The following PALS2 variants were observed in gnomAD, a reference collection of about 807,000 sequenced individuals.
The protein encoded by PALS2 is protein associated with LIN7 2, MAGUK p55 family member, also known as protein PALS2.
PALS2 carries 27 observed loss-of-function variants against 61.6 expected under a neutral mutation model. The observed-to-expected ratio is 0.44, with a 90% CI of 0.32 to 0.60. PALS2 has a LOEUF of 0.60. PALS2 is among the 20% of genes least tolerant of loss of function. The probability of loss-of-function intolerance (pLI) is 0.05; values close to 1 mark genes in which losing one functional copy is unlikely to be tolerated. For missense variants in PALS2, 554 were observed against 639.4 expected (o/e 0.87, Z 1.44); for synonymous variants, 236 against 218.6 (o/e 1.08, Z -0.70).
intron 9 of PALS2, among the ~76,000 whole-genome samples, chr7:24,672,549 T>C (rs1009304800): frequency 6.6e-6 from 1 of 152,166 alleles, no homozygotes; most frequent in African/African-American, 2.4e-5. Flanking sequence ...TCTATGAGCA[T>C]AGATGTCTCT....
chr7:24,687,680 A>G lies in PALS2; in HGVS notation c.*66A>G. ...AGTGACTGCAACAAATAAACCTTCT[A>G]CTGAGAAAATACATCACAGATAGAA... On this transcript the variant is annotated 3_prime_UTR_variant, in exon 12 of 12. Transcript: ENST00000222644. The surrounding 1 kb of genome is among the most constrained non-coding windows in gnomAD (Gnocchi z 4.5). The G allele has an allele frequency of 2.8e-6, 4 of 1,450,574 alleles. No individual in the cohort carries two copies. Among genetic ancestry groups the G allele is most frequent in the South Asian group, 1.4e-5 (1 of 72,538 alleles). 89.9% of individuals were successfully genotyped at this position (1,450,574 alleles called of 1,614,324 possible). A position where few individuals can be genotyped will look rare whatever the true frequency, so the allele number is the denominator to read the frequency against.
In PALS2 at chr7:24,675,682, A is replaced by G. The variant is rs557032939; in HGVS notation, c.1115-3449A>G. 6.0e-4 allele frequency among the ~76,000 whole-genome samples: 84 copies of G among 139,692 alleles called. 3 individuals carry two copies. The South Asian group carries it at 0.02, about 33-fold the overall frequency. The allele number at this position is 139,692 out of a possible 152,430, so 91.6% of individuals were successfully genotyped here. On this transcript the variant is annotated intron_variant, in intron 9 of 11. Coordinates refer to ENST00000222644, the MANE Select transcript of PALS2 (RefSeq NM_001303037.2). Reference sequence around the variant, plus strand: ...TTGCGATAGTTTACTGAGAATGATGATTTCCAATTTCATCCATGTCCCTAC... The same window carrying G: ...TTGCGATAGTTTACTGAGAATGATGGTTTCCAATTTCATCCATGTCCCTAC...
At chr7:24,665,964 C>A in intron 7 of PALS2, 57 bp from the exon 8 acceptor site, 1 of 1,493,938 alleles carries the variant, frequency 6.7e-7, no homozygotes, top group Non-Finnish European at 9.2e-7. Flanking sequence ...TACTATAGGG[C>A]AATTTTTTCA....
At chr7:24,598,100 T>C (rs1259527631) in intron 1 of PALS2, among the ~76,000 whole-genome samples, 1 of 152,136 alleles carries the variant, frequency 6.6e-6, no homozygotes, top group African/African-American at 2.4e-5. Flanking sequence ...AGGCAAGCTA[T>C]TGCTAGGCCA....
Position 24,680,462 on chromosome 7 carries a change from C to T in PALS2, c.1388C>T (p.Thr463Met), listed in dbSNP as rs1410589833. 9.3e-6 allele frequency: 15 copies of T among 1,613,902 alleles called. No individual in the cohort carries two copies. Among genetic ancestry groups the T allele is most frequent in the African/African-American group, 2.7e-5 (2 of 74,944 alleles). Residue 463 changes from threonine to methionine, a missense_variant, in exon 11 of 12, where the codon ACG becomes ATG. Physicochemically the swap from Thr to Met is moderately conservative, Grantham distance 81. Coordinates refer to ENST00000222644, the MANE Select transcript of PALS2 (RefSeq NM_001303037.2). ...VVFIAAPELE[T>M]LRAMHKAVVD... ...TTTATTGCGGCTCCGGAGCTAGAGA[C>T]GTTACGTGCCATGCACAAGGCTGTG...
chr7:24,627,505 CTA>C lies in PALS2; in HGVS notation c.117+3722_117+3723del, dbSNP rs542244881. ...AAAGCTAGCAGAAGACAAGAAATAA[CTA>C]AGATCAGAGCAGAACTGAAGGAGAT... On this transcript the variant is annotated intron_variant, in intron 2 of 11. Coordinates refer to ENST00000222644, the MANE Select transcript of PALS2 (RefSeq NM_001303037.2). 2.8e-3 allele frequency among the ~76,000 whole-genome samples: 421 copies of C among 152,104 alleles called. 3 individuals are homozygous for C. Among genetic ancestry groups the C allele is most frequent in the African/African-American group, 8.8e-3 (365 of 41,510 alleles).
Position 24,691,385 on chromosome 7 carries a change from A to ATGTG in PALS2, c.*3774_*3775insGTGT, listed in dbSNP as rs1306601413. 4.2e-4 allele frequency: 24 copies of ATGTG among 56,990 alleles called. No individual in the cohort carries two copies. In the East Asian group the frequency reaches 0.016, roughly 39 times the overall value. 3.5% of individuals were successfully genotyped at this position (56,990 alleles called of 1,614,324 possible). A position where few individuals can be genotyped will look rare whatever the true frequency, so the allele number is the denominator to read the frequency against. On this transcript the variant is annotated 3_prime_UTR_variant, in exon 12 of 12. Transcript: ENST00000222644. Reference sequence around the variant, plus strand: ...TTAAATGTTCGAGTTGCCATATATTATGTATGTGTGTGTGTGTGTGTATAT... The same window carrying ATGTG: ...TTAAATGTTCGAGTTGCCATATATTATGTGTGTATGTGTGTGTGTGTGTGTATAT...
At chr7:24,644,083 A>ATTTTCTT in intron 3 of PALS2, among the ~76,000 whole-genome samples, 1 of 137,952 alleles carries the variant, frequency 7.2e-6, no homozygotes, top group African/African-American at 2.8e-5. Flanking sequence ...CTAAATCAAT[A>ATTTTCTT]TTTTCTTTTT....
At chr7:24,628,816 T>G (rs1784862029) in intron 2 of PALS2, among the ~76,000 whole-genome samples, 1 of 152,092 alleles carries the variant, frequency 6.6e-6, no homozygotes, top group South Asian at 2.1e-4. Context: ...CAAGGAAAAC[T>G]ACAAACCACT....
chr7:24,584,380 T>A (rs1782974774), intron 1 of PALS2, among the ~76,000 whole-genome samples: 1 of 150,988 alleles, frequency 6.6e-6, no homozygotes. Flanking sequence ...GGTATCTCAT[T>A]GTGGTTTTGA....
rs922784992 is a variant in PALS2, at chr7:24,693,336, A to G, written c.*5722A>G. ...AACATACATAAATATGACAGGTCAT[A>G]TATGAAATTTGGCTCTCCTCCTATC... On this transcript the variant is annotated 3_prime_UTR_variant, in exon 12 of 12. Transcript: ENST00000222644. The G allele has an allele frequency of 2.0e-5, 3 of 152,216 alleles. No individual in the cohort carries two copies. Among genetic ancestry groups the G allele is most frequent in the African/African-American group, 7.2e-5 (3 of 41,462 alleles). 9.4% of individuals were successfully genotyped at this position (152,216 alleles called of 1,614,324 possible).
At position 24,691,385 on chromosome 7, in the gene PALS2, A is replaced by ATGTGTG. The variant is rs1306601413; in HGVS notation, c.*3774_*3775insGTGTGT. 1.1e-3 allele frequency: 64 copies of ATGTGTG among 56,972 alleles called. No homozygotes were observed. The highest frequency in any genetic ancestry group is 7.0e-3 in the Middle Eastern group (1 of 142). 3.5% of individuals were successfully genotyped at this position (56,972 alleles called of 1,614,324 possible). ...TTAAATGTTCGAGTTGCCATATATT[A>ATGTGTG]TGTATGTGTGTGTGTGTGTGTATAT... On this transcript the variant is annotated 3_prime_UTR_variant, in exon 12 of 12. Transcript: ENST00000222644.
At chr7:24,665,054 G>A (rs1786944066) in intron 6 of PALS2, among the ~76,000 whole-genome samples, 1 of 152,052 alleles carries the variant, frequency 6.6e-6, no homozygotes, top group South Asian at 2.1e-4. Context: ...TCTCTTTGGA[G>A]CTTATTTTAA....
intron 1 of PALS2, among the ~76,000 whole-genome samples, chr7:24,608,360 A>G (rs1010483134): frequency 1.3e-5 from 2 of 152,104 alleles, no homozygotes; most frequent in African/African-American, 4.8e-5. Context: ...CCTTCATTCT[A>G]AAGTTTTCTG....
intron 9 of PALS2, among the ~76,000 whole-genome samples, chr7:24,668,919 G>A (rs1472842314): frequency 6.6e-6 from 1 of 152,168 alleles, no homozygotes; most frequent in Non-Finnish European, 1.5e-5. Flanking sequence ...AGAATTAAAT[G>A]CCTACATTTA....
chr7:24,603,112 AG>A (rs1421565146), intron 1 of PALS2, among the ~76,000 whole-genome samples: 1 of 152,206 alleles, frequency 6.6e-6, no homozygotes, highest in Non-Finnish European at 1.5e-5. Context: ...TCTGTAAACC[AG>A]GAAGTGAGCC....
rs1788425998 is a variant in PALS2 at position 24,690,670 on chromosome 7, CT to C, written c.*3059del. On this transcript the variant is annotated 3_prime_UTR_variant, in exon 12 of 12. Coordinates refer to ENST00000222644, the MANE Select transcript of PALS2 (RefSeq NM_001303037.2). ...ATGGCCCTAAAAAGTAGAATTTTCA[CT>C]TTCATTACAGCCATGCCTTTATTAT... 6.6e-6 allele frequency: 1 copy of C among 152,148 alleles called. No homozygotes were observed. The highest frequency in any genetic ancestry group is 1.5e-5 in the Non-Finnish European group (1 of 68,018). 9.4% of individuals were successfully genotyped at this position (152,148 alleles called of 1,614,324 possible). A position where few individuals can be genotyped will look rare whatever the true frequency, so the allele number is the denominator to read the frequency against.
chr7:24,678,418 T>C (rs904580392), intron 9 of PALS2, among the ~76,000 whole-genome samples: 19 of 152,134 alleles, frequency 1.2e-4, no homozygotes, highest in African/African-American at 4.3e-4. Flanking sequence ...GCTCTACCAC[T>C]GAAGTATAAA....
intron 1 of PALS2, among the ~76,000 whole-genome samples, chr7:24,617,408 G>A (rs1402947817): frequency 6.6e-6 from 1 of 152,122 alleles, no homozygotes; most frequent in South Asian, 2.1e-4. Context: ...TGTTATTGGA[G>A]AATTACTGTA....
Sources: gnomAD v4.1 joint callset for allele counts (sites outside exome capture counted in the v4.1 genomes callset) on GRCh38, gnomAD v4.1.1 for gene constraint, Gnocchi (gnomAD v3.1) non-coding constraint, MANE v1.5 for transcripts, NCBI Gene and HGNC (gene_info 2026-07-23, HGNC 2026-07-21) for gene names.